DLGAP2: variants seen among roughly 807,000 people sequenced by gnomAD.
DLGAP2 encodes disks large-associated protein 2.
Under a neutral mutation model 100.3 loss-of-function variants are expected in DLGAP2, and 26 were observed. That is an observed-to-expected ratio of 0.26 (90% CI 0.19 to 0.36). The LOEUF (loss-of-function observed/expected upper bound fraction) is 0.36, where lower values mean the gene tolerates loss of function less well. DLGAP2 is among the 10% of genes least tolerant of loss of function. The pLI is 1.00. For missense variants in DLGAP2, 1,858 were observed against 1,453.2 expected (o/e 1.28, Z -4.53); for synonymous variants, 886 against 630.1 (o/e 1.41, Z -6.08).
At chr8:789,919 C>G (rs1336380801) in intron 1 of DLGAP2, among the ~76,000 whole-genome samples, 1 of 152,182 alleles carries the variant, frequency 6.6e-6, no homozygotes, top group Non-Finnish European at 1.5e-5. Flanking sequence ...CTTAGCTGCA[C>G]CCCTGACCCA....
chr8:1,597,085 C>G (rs1477054994), intron 6 of DLGAP2, among the ~76,000 whole-genome samples: 2 of 152,182 alleles, frequency 1.3e-5, no homozygotes, highest in Non-Finnish European at 2.9e-5. Context: ...CTGCATATAG[C>G]TAGCCAGTTT....
intron 1 of DLGAP2, among the ~76,000 whole-genome samples, chr8:816,956 C>T (rs571679770): frequency 1.6e-4 from 25 of 152,212 alleles, no homozygotes; most frequent in East Asian, 1.2e-3. Flanking sequence ...CTGACTAACA[C>T]GGTGAAACCC....
intron 1 of DLGAP2, among the ~76,000 whole-genome samples, chr8:773,242 C>CA (rs1262078013): frequency 6.6e-6 from 1 of 152,032 alleles, no homozygotes; most frequent in African/African-American, 2.4e-5. Flanking sequence ...AGTGTTTTCA[C>CA]ATGGTCTCTG....
At chr8:1,494,650 C>T (rs1318916342) in intron 3 of DLGAP2, among the ~76,000 whole-genome samples, 1 of 152,102 alleles carries the variant, frequency 6.6e-6, no homozygotes, top group East Asian at 1.9e-4. Context: ...ATTGCTTGAT[C>T]CCGGGAGGTG....
chr8:876,141 A>G (rs898067590), intron 1 of DLGAP2, among the ~76,000 whole-genome samples: 1 of 152,166 alleles, frequency 6.6e-6, no homozygotes, highest in Non-Finnish European at 1.5e-5. Flanking sequence ...GTATTATTTT[A>G]TACAATTTTA....
intron 2 of DLGAP2, among the ~76,000 whole-genome samples, chr8:1,199,584 C>G (rs55755424): frequency 6.6e-6 from 1 of 152,054 alleles, no homozygotes; most frequent in Non-Finnish European, 1.5e-5. Context: ...GTAATGACCT[C>G]GGGAAACACC....
In DLGAP2 at chr8:1,250,412, C is replaced by G. The variant is rs566953097; in HGVS notation, c.74-8439C>G. 2.6e-5 allele frequency: 4 copies of G among 152,302 alleles called. No homozygotes were observed. The South Asian group carries it at 8.3e-4, about 32-fold the overall frequency. 9.4% of individuals were successfully genotyped at this position (152,302 alleles called of 1,614,324 possible). A position where few individuals can be genotyped will look rare whatever the true frequency, so the allele number is the denominator to read the frequency against. ...GACATCCTGTGTTGATCGCAGCCGTCTCCCAGCATGTGGAGCAACACTAGG... is the reference window on the plus strand; with the variant it reads ...GACATCCTGTGTTGATCGCAGCCGTGTCCCAGCATGTGGAGCAACACTAGG... On this transcript the variant is annotated intron_variant, in intron 2 of 14. Coordinates refer to ENST00000637795, the MANE Select transcript of DLGAP2 (RefSeq NM_001346810.2).
At chr8:1,426,739 A>G (rs897429015) in intron 3 of DLGAP2, among the ~76,000 whole-genome samples, 5 of 152,222 alleles carry the variant, frequency 3.3e-5, no homozygotes, top group African/African-American at 9.6e-5. Flanking sequence ...ATGCAAGAAG[A>G]TGGTCAAATT....
Position 1,464,314 on chromosome 8 carries a change from ACAACGCCC to A in DLGAP2, c.107-37051_107-37044del, listed in dbSNP as rs1798554028. Among the ~76,000 whole-genome samples, 2 of 109,210 alleles carry A rather than the reference ACAACGCCC, an allele frequency of 1.8e-5. 1 individual carries two copies. The highest frequency in any genetic ancestry group is 3.8e-5 in the Non-Finnish European group (2 of 52,292). The allele number at this position is 109,210 out of a possible 152,430, so 71.6% of individuals were successfully genotyped here. On this transcript the variant is annotated intron_variant, in intron 3 of 14. Transcript: ENST00000637795. Reference sequence around the variant, plus strand: ...CCTTCCAGGATGGCACCCTTCCAGGACAACGCCCTTCCAGGACGGCACCCTTCCAGGAC... The same window carrying A: ...CCTTCCAGGATGGCACCCTTCCAGGATTCCAGGACGGCACCCTTCCAGGAC...
intron 3 of DLGAP2, among the ~76,000 whole-genome samples, chr8:1,335,091 C>T (rs1345851258): frequency 1.3e-5 from 2 of 152,186 alleles, no homozygotes; most frequent in East Asian, 1.9e-4. Context: ...CATGGTCTGA[C>T]GTTTCTGCAG....
chr8:1,384,111 G>C (rs566490848), intron 3 of DLGAP2, among the ~76,000 whole-genome samples: 2 of 152,224 alleles, frequency 1.3e-5, no homozygotes, highest in African/African-American at 4.8e-5. Flanking sequence ...GAAGAATTAG[G>C]TCAGAATTCA....
intron 7 of DLGAP2, among the ~76,000 whole-genome samples, chr8:1,632,619 T>A (rs559284584): frequency 6.6e-6 from 1 of 152,390 alleles, no homozygotes; most frequent in East Asian, 1.9e-4. Flanking sequence ...ACACTTGGAA[T>A]TGGCTGTTTG....
chr8:1,295,839 C>T (rs947608801), intron 3 of DLGAP2, among the ~76,000 whole-genome samples: 3 of 152,152 alleles, frequency 2.0e-5, no homozygotes, highest in African/African-American at 7.2e-5. Flanking sequence ...CAGAAGCCAT[C>T]ATTTACACAC....
intron 2 of DLGAP2, among the ~76,000 whole-genome samples, chr8:1,071,107 G>GCTGCTCCTCCCACGGATTTGCAGCTGA (rs1563176084): frequency 1.3e-5 from 2 of 152,188 alleles, no homozygotes; most frequent in Non-Finnish European, 2.9e-5. Flanking sequence ...CCTCCCACTG[G>GCTGCTCCTCCCACGGATTTGCAGCTGA]CTGCTCCTCC....
intron 2 of DLGAP2, among the ~76,000 whole-genome samples, chr8:980,374 C>T (rs1800294975): frequency 6.6e-6 from 1 of 152,216 alleles, no homozygotes; most frequent in Non-Finnish European, 1.5e-5. Flanking sequence ...AAAAGCTCAG[C>T]AGTGCGTAGG....
chr8:741,966 TGGA>T (rs1820498536), intron 1 of DLGAP2, among the ~76,000 whole-genome samples: 1 of 152,200 alleles, frequency 6.6e-6, no homozygotes, highest in Non-Finnish European at 1.5e-5. Flanking sequence ...CATCTGTCTG[TGGA>T]GGAGAAGGGC....
chr8:1,555,542 T>C (rs1801935805), intron 5 of DLGAP2, among the ~76,000 whole-genome samples: 1 of 152,198 alleles, frequency 6.6e-6, no homozygotes, highest in African/African-American at 2.4e-5. Flanking sequence ...CTTGGCAGGA[T>C]CTCGCTGGTG....
chr8:1,483,662 G>GACC (rs1203856617), intron 3 of DLGAP2, among the ~76,000 whole-genome samples: 4 of 149,836 alleles, frequency 2.7e-5, no homozygotes, highest in Non-Finnish European at 5.9e-5. Context: ...CGTCTACACA[G>GACC]AGCAGGGAGG....
At chr8:1,304,811 C>G (rs968328018) in intron 3 of DLGAP2, among the ~76,000 whole-genome samples, 3 of 152,084 alleles carry the variant, frequency 2.0e-5, no homozygotes, top group African/African-American at 7.2e-5. Context: ...GGATCATCAT[C>G]AATTATAATA....
Sources: allele counts gnomAD v4.1 joint callset (sites outside exome capture counted in the v4.1 genomes callset), GRCh38; gene constraint gnomAD v4.1.1; transcripts MANE v1.5; gene names NCBI Gene and HGNC (gene_info 2026-07-23, HGNC 2026-07-21).